RP1: variants seen among roughly 807,000 people sequenced by gnomAD.
RP1 encodes the protein oxygen-regulated protein 1.
A neutral mutation model predicts 14.8 loss-of-function variants in RP1; 16 were observed. The observed-to-expected ratio is 1.08, with a 90% CI of 0.73 to 1.65. The LOEUF (loss-of-function observed/expected upper bound fraction) is 1.65. RP1 is among the 40% of genes most tolerant of loss of function. RP1 has a pLI of 0.00. For synonymous variants in RP1, 876 were observed against 883.6 expected, an observed-to-expected ratio of 0.99 and a Z score of 0.15; for missense variants, 2,631 against 2,535.0, an observed-to-expected ratio of 1.04 and a Z score of -0.81.
chr8:54,569,245 C>T (rs535997211), intron 1 of RP1, among the ~76,000 whole-genome samples: 72 of 152,292 alleles, frequency 4.7e-4, no homozygotes, highest in African/African-American at 1.7e-3. Context: ...ACCTGTCTGC[C>T]CACTCTGACC....
At chr8:54,835,840 T>C (rs1424821180) in intron 24 of RP1, among the ~76,000 whole-genome samples, 3 of 152,192 alleles carry the variant, frequency 2.0e-5, no homozygotes, top group Non-Finnish European at 4.4e-5. Flanking sequence ...TTTTGGAGCT[T>C]GGCTACTGAT....
intron 13 of RP1, among the ~76,000 whole-genome samples, chr8:54,700,263 A>G (rs1807980022): frequency 6.6e-6 from 1 of 151,408 alleles, no homozygotes; most frequent in Admixed American, 6.6e-5. Flanking sequence ...GCTAGAGGGC[A>G]GTTGGCATGA....
chr8:54,752,676 C>T (rs1008785578), intron 19 of RP1, among the ~76,000 whole-genome samples: 3 of 152,184 alleles, frequency 2.0e-5, no homozygotes, highest in East Asian at 3.9e-4. Flanking sequence ...TTGCAGGGCA[C>T]GCTCATACCC....
At chr8:54,706,683 C>T in intron 15 of RP1, 2 of 1,533,650 alleles carry the variant, frequency 1.3e-6, no homozygotes, top group South Asian at 1.2e-5. Flanking sequence ...TTTCTCTCAG[C>T]AAATGTTTAA....
At chr8:54,694,891 A>G (rs1413520055) in intron 12 of RP1, among the ~76,000 whole-genome samples, 6 of 151,620 alleles carry the variant, frequency 4.0e-5, no homozygotes, top group African/African-American at 1.5e-4. Context: ...TTGCTTTTCT[A>G]GTTCTTTTAA....
At chr8:54,741,707 G>GTGTGTA (rs1554528860) in intron 19 of RP1, among the ~76,000 whole-genome samples, 4 of 58,036 alleles carry the variant, frequency 6.9e-5, no homozygotes, top group African/African-American at 2.9e-4. Flanking sequence ...AAATGTGTGT[G>GTGTGTA]TATATATATA....
At chr8:54,860,556 G>T (rs527314222) in intron 27 of RP1, among the ~76,000 whole-genome samples, 1 of 152,308 alleles carries the variant, frequency 6.6e-6, no homozygotes, top group South Asian at 2.1e-4. Flanking sequence ...GATTCTGCCT[G>T]TGTGGGTACC....
intron 24 of RP1, among the ~76,000 whole-genome samples, chr8:54,825,783 T>C (rs1292102601): frequency 6.6e-6 from 1 of 152,142 alleles, no homozygotes; most frequent in Non-Finnish European, 1.5e-5. Flanking sequence ...GCTTGAGCTA[T>C]ATAAGAGATA....
intron 12 of RP1, among the ~76,000 whole-genome samples, chr8:54,690,940 CCAAAGCTGT>C (rs1419908881): frequency 3.3e-5 from 5 of 151,996 alleles, no homozygotes; most frequent in Admixed American, 2.6e-4. Context: ...TGCTAGGAAC[CCAAAGCTGT>C]CAACTGCATT....
At position 54,626,163 on chromosome 8, in the gene RP1, A is replaced by C. The variant is rs1394743383; in HGVS notation, c.2281A>C (p.Lys761Gln). Residue 761 changes from lysine to glutamine, a missense_variant, in exon 4 of 4, where the codon AAA becomes CAA. Physicochemically the swap from Lys to Gln is moderately conservative, Grantham distance 53 (BLOSUM62 1). Transcript: ENST00000220676. ...GATTTCCAAGAATTTCCATAGAAATAAATTAAATACTACTCAAAATTCCAA... is the reference window on the plus strand; with the variant it reads ...GATTTCCAAGAATTTCCATAGAAATCAATTAAATACTACTCAAAATTCCAA... ...STISKNFHRN[K>Q]LNTTQNSKVQ... The C allele has an allele frequency of 6.2e-7, 1 of 1,612,286 alleles. No homozygotes were observed. The highest frequency in any genetic ancestry group is 1.3e-5 in the African/African-American group (1 of 74,862).
chr8:54,609,951 C>T (rs964905538), intron 1 of RP1, among the ~76,000 whole-genome samples: 1 of 152,218 alleles, frequency 6.6e-6, no homozygotes, highest in South Asian at 2.1e-4. Context: ...ACGCATATTA[C>T]ACCTCAAACT....
At chr8:54,855,997 A>T (rs1028879366) in intron 26 of RP1, among the ~76,000 whole-genome samples, 2 of 151,832 alleles carry the variant, frequency 1.3e-5, no homozygotes, top group Admixed American at 6.6e-5. Flanking sequence ...CTGTTTCCCA[A>T]CATAAATATA....
intron 17 of RP1, chr8:54,726,501 A>T: frequency 1.3e-6 from 2 of 1,509,798 alleles, no homozygotes; most frequent in Non-Finnish European, 1.8e-6. Flanking sequence ...TTGCTTTCAT[A>T]CTTTTGGTTT....
At chr8:54,673,610 C>A (rs542609574) in intron 7 of RP1, among the ~76,000 whole-genome samples, 1 of 152,072 alleles carries the variant, frequency 6.6e-6, no homozygotes, top group African/African-American at 2.4e-5. Flanking sequence ...CATGGTGGCA[C>A]ATGCCTGTAA....
chr8:54,674,528 A>AACG (rs1807251059), intron 8 of RP1, among the ~76,000 whole-genome samples: 5 of 99,942 alleles, frequency 5.0e-5, no homozygotes, highest in African/African-American at 1.4e-4. Context: ...AAAAAAAAGG[A>AACG]AAAAAAAACC....
At chr8:54,582,560 G>A (rs1804821300) in intron 1 of RP1, among the ~76,000 whole-genome samples, 1 of 152,004 alleles carries the variant, frequency 6.6e-6, no homozygotes, top group African/African-American at 2.4e-5. Context: ...GTAGCTTGAT[G>A]GGGATGGCAT....
At chr8:54,808,250 G>A (rs770218128) in intron 24 of RP1, among the ~76,000 whole-genome samples, 4 of 152,168 alleles carry the variant, frequency 2.6e-5, no homozygotes, top group Non-Finnish European at 5.9e-5. Flanking sequence ...CAGTAAACTG[G>A]AGTCCACTGC....
At chr8:54,649,248 C>T in intron 4 of RP1, 1 of 915,694 alleles carries the variant, frequency 1.1e-6, no homozygotes, top group Non-Finnish European at 1.5e-6. Flanking sequence ...ACCATGTGCC[C>T]TGTAGAAGAT....
intron 24 of RP1, among the ~76,000 whole-genome samples, chr8:54,814,962 T>TCTC (rs1811104350): frequency 6.6e-6 from 1 of 152,208 alleles, no homozygotes; most frequent in Non-Finnish European, 1.5e-5. Context: ...TGAGCCGAGA[T>TCTC]TGCACCACTG....
Sources: allele counts gnomAD v4.1 joint callset (sites outside exome capture counted in the v4.1 genomes callset), GRCh38; gene constraint gnomAD v4.1.1; transcripts MANE v1.5; gene names NCBI Gene and HGNC (gene_info 2026-07-23, HGNC 2026-07-21).